The following OTC variants were observed in gnomAD, a reference collection of about 807,000 sequenced individuals.
The protein encoded by OTC is ornithine transcarbamylase, mitochondrial.
Under a neutral mutation model 30.3 loss-of-function variants are expected in OTC, and 3 were observed. The ratio of observed to expected loss-of-function variants is 0.10; its 90% CI spans 0.05 to 0.26. OTC has a LOEUF of 0.26. Ranked by LOEUF, OTC falls within the 10% of genes least tolerant of loss-of-function variation. OTC has a pLI of 1.00. For missense variants in OTC, 194 were observed against 260.3 expected, an observed-to-expected ratio of 0.75 and a Z score of 1.75; for synonymous variants, 111 against 99.7, an observed-to-expected ratio of 1.11 and a Z score of -0.67.
chrX:38,349,111 T>C (rs1304332700), upstream of OTC, among the ~76,000 whole-genome samples: 1 of 111,206 alleles, frequency 9.0e-6, no homozygotes, highest in Non-Finnish European at 1.9e-5. Flanking sequence ...TGAGTTTCCA[T>C]AGAAGCAGAC....
upstream of OTC, among the ~76,000 whole-genome samples, chrX:38,347,608 G>C (rs137883924): frequency 1.3e-4 from 15 of 112,098 alleles, no homozygotes; most frequent in South Asian, 5.5e-3. Context: ...TCAGAGCTTC[G>C]CACTGCAGTA....
chrX:38,368,283 C>G (rs952917947), intron 2 of OTC, among the ~76,000 whole-genome samples: 2 of 111,394 alleles, frequency 1.8e-5, no homozygotes, highest in African/African-American at 6.5e-5. Flanking sequence ...TTGCTTGAAC[C>G]CAGGAGGCGG....
intron 9 of OTC, among the ~76,000 whole-genome samples, chrX:38,412,963 T>G (rs1287140360): frequency 9.0e-6 from 1 of 111,594 alleles, no homozygotes; most frequent in Non-Finnish European, 1.9e-5. Context: ...TGTCAGATAC[T>G]CCATTATAGC....
intron 4 of OTC, among the ~76,000 whole-genome samples, chrX:38,394,497 C>G (rs1329883287): frequency 1.8e-5 from 2 of 111,564 alleles, no homozygotes; most frequent in Non-Finnish European, 3.8e-5. Context: ...ACTTGCTTCT[C>G]TACATCCACC....
chrX:38,347,110 AT>A, the OTC span, among the ~76,000 whole-genome samples: 1 of 111,914 alleles, frequency 8.9e-6, no homozygotes, highest in East Asian at 2.8e-4. Context: ...CTAGAATATT[AT>A]TTTTTTCCTG....
At chrX:38,416,711 A>T (rs2068572448) in intron 9 of OTC, among the ~76,000 whole-genome samples, 1 of 112,488 alleles carries the variant, frequency 8.9e-6, no homozygotes, top group African/African-American at 3.2e-5. Context: ...TAGAACATAC[A>T]GTAAAATATA....
chrX:38,341,890 T>C, the OTC span, among the ~76,000 whole-genome samples: 1 of 110,509 alleles, frequency 9.0e-6, no homozygotes, highest in African/African-American at 3.3e-5. Context: ...TAAGAAGCAC[T>C]GTTTCCTTTT....
chrX:38,352,847 CCT>C, intron 1 of OTC, 74 bp downstream of exon 1: 2 of 731,787 alleles, frequency 2.7e-6, no homozygotes, highest in Non-Finnish European at 4.3e-6. Flanking sequence ...TGCAGTAAGG[CCT>C]CTTTCTGCAG....
intron 5 of OTC, 27 bp downstream of exon 5, chrX:38,401,455 A>T (rs1220128445): frequency 8.8e-7 from 1 of 1,141,143 alleles, no homozygotes. Flanking sequence ...GTCTTACAAA[A>T]GAGCAAAATC....
chrX:38,408,817 C>A (rs1569280742), intron 7 of OTC, 22 bp downstream of exon 7: 1 of 1,203,845 alleles, frequency 8.3e-7, no homozygotes, highest in South Asian at 1.8e-5. Context: ...ACATGTAAAG[C>A]TATTATTGCC....
chrX:38,371,864 A>C (rs1452053844), intron 3 of OTC, among the ~76,000 whole-genome samples: 1 of 112,525 alleles, frequency 8.9e-6, no homozygotes, highest in Non-Finnish European at 1.9e-5. Flanking sequence ...TGAATAAACC[A>C]GTCAGCAATT....
chrX:38,347,029 T>C, the OTC span, among the ~76,000 whole-genome samples: 1 of 112,326 alleles, frequency 8.9e-6, no homozygotes, highest in Non-Finnish European at 1.9e-5. Context: ...TTGATTTCCA[T>C]TTGCAGATAA....
In OTC at chrX:38,401,433, G is replaced by A; in HGVS notation, c.540+5G>A. 1 of 1,197,756 alleles carries A rather than the reference G, an allele frequency of 8.3e-7. No homozygotes were observed. Among genetic ancestry groups the A allele is most frequent in the Non-Finnish European group, 1.1e-6 (1 of 882,915 alleles). ...GCTGATTACCTCACGCTCCAGGTTG[G>A]TTTATTTATTTGTCTTACAAAAGAG... On this transcript the variant is annotated splice_donor_5th_base_variant and intron_variant, in intron 5 of 9. Transcript: ENST00000039007.
In OTC at chrX:38,367,298, C is replaced by G. The variant is rs752916728; in HGVS notation, c.85C>G (p.Gln29Glu). The G allele has an allele frequency of 2.6e-5, 31 of 1,204,298 alleles. No individual in the cohort carries two copies. In the Admixed American group the frequency reaches 4.6e-4, roughly 18 times the overall value. ...TTAAATCTCTTTTTACAGGTGTGGA[C>G]AACCACTACAAAATAAAGTGCAGCT... The part of the protein sequence containing the change: ...NFMVRNFRCG[Q>E]PLQNKVQLKG... The change falls in exon 2 of 10, where the codon CAA (glutamine) becomes GAA (glutamate). Residue 29 changes from glutamine (Q) to glutamate (E), a missense_variant. Gln to Glu is a conservative substitution (Grantham distance 29). Coordinates refer to ENST00000039007, the MANE Select transcript of OTC (RefSeq NM_000531.6).
At chrX:38,392,051 A>G (rs2068431093) in intron 4 of OTC, among the ~76,000 whole-genome samples, 1 of 111,504 alleles carries the variant, frequency 9.0e-6, no homozygotes, top group African/African-American at 3.2e-5. Context: ...CAGTAGGAAA[A>G]GAGATGATGA....
At chrX:38,381,802 A>G (rs1454485687) in intron 4 of OTC, among the ~76,000 whole-genome samples, 3 of 111,986 alleles carry the variant, frequency 2.7e-5, no homozygotes, top group African/African-American at 9.7e-5. Flanking sequence ...ATAACTACTA[A>G]TAACACTTAT....
upstream of OTC, among the ~76,000 whole-genome samples, chrX:38,349,842 C>T (rs751981832): frequency 7.2e-5 from 8 of 111,551 alleles, no homozygotes; most frequent in Non-Finnish European, 1.5e-4. Flanking sequence ...CACAGATACT[C>T]GTAGTTTTTT....
At chrX:38,413,738 C>T (rs189234346) in intron 9 of OTC, among the ~76,000 whole-genome samples, 9 of 105,069 alleles carry the variant, frequency 8.6e-5, no homozygotes, top group African/African-American at 1.7e-4. Context: ...GGTGTGATCT[C>T]GGCTCACTGC....
chrX:38,382,221 G>T (rs1294285051), intron 4 of OTC, among the ~76,000 whole-genome samples: 1 of 111,875 alleles, frequency 8.9e-6, no homozygotes, highest in Admixed American at 9.5e-5. Context: ...TCTAGATGAA[G>T]GGAGAGACGG....
Sources: allele counts gnomAD v4.1 joint callset (sites outside exome capture counted in the v4.1 genomes callset), GRCh38; gene constraint gnomAD v4.1.1; transcripts MANE v1.5; gene names NCBI Gene and HGNC (gene_info 2026-07-23, HGNC 2026-07-21).